Variants in NUP93 observed in about 807,000 individuals in gnomAD.
NUP93 encodes the protein nuclear pore complex protein Nup93.
NUP93 carries 55 observed loss-of-function variants against 107.8 expected under a neutral mutation model. The observed-to-expected ratio is 0.51, with a 90% CI of 0.41 to 0.64. The LOEUF (loss-of-function observed/expected upper bound fraction) is 0.64. NUP93 is among the 30% of genes least tolerant of loss of function. The pLI is 0.00. For missense variants in NUP93, 937 were observed against 1,044.7 expected (o/e 0.90, Z 1.42); for synonymous variants, 390 against 397.5 (o/e 0.98, Z 0.22).
intron 3 of NUP93, among the ~76,000 whole-genome samples, chr16:56,789,187 A>G (rs1490090957): frequency 1.3e-5 from 2 of 152,202 alleles, no homozygotes; most frequent in Non-Finnish European, 2.9e-5. Context: ...GGGACCAAGC[A>G]TGCCAGCACA....
chr16:56,735,363 G>A (rs1961594864), intron 1 of NUP93, among the ~76,000 whole-genome samples: 1 of 152,198 alleles, frequency 6.6e-6, no homozygotes, highest in South Asian at 2.1e-4. Context: ...TTGGGTAGGT[G>A]TTTCTTTTTG....
At chr16:56,764,889 G>A (rs1962190772) in intron 3 of NUP93, among the ~76,000 whole-genome samples, 1 of 152,216 alleles carries the variant, frequency 6.6e-6, no homozygotes, top group East Asian at 1.9e-4. Flanking sequence ...AAATGCAGTT[G>A]TCATTTTCAT....
chr16:56,796,240 C>G (rs143104011), intron 3 of NUP93, among the ~76,000 whole-genome samples: 3 of 152,254 alleles, frequency 2.0e-5, no homozygotes, highest in African/African-American at 4.8e-5. Flanking sequence ...CAACAGTGGT[C>G]CCATAAGATT....
chr16:56,786,007 C>T (rs16962014), intron 3 of NUP93, among the ~76,000 whole-genome samples: 14,316 of 152,176 alleles, frequency 0.094, 702 homozygotes, highest in East Asian at 0.15. Context: ...CAGTGTGCTT[C>T]TTTATGGTGA....
At chr16:56,835,444 GAAAGGC>G (rs569375187) in intron 16 of NUP93, among the ~76,000 whole-genome samples, 6 of 152,352 alleles carry the variant, frequency 3.9e-5, no homozygotes, top group African/African-American at 1.4e-4. Context: ...TACCTCAGAA[GAAAGGC>G]AAGTGACAGT....
rs567027753 is a variant in NUP93, at chr16:56,821,576, G to T, written c.637G>T (p.Ala213Ser). 8.7e-6 allele frequency: 14 copies of T among 1,612,082 alleles called. No homozygotes were observed. In the East Asian group the frequency reaches 2.7e-4, roughly 31 times the overall value. ...CCTGGTGGACCTTTGTGCTTCCGTC[G>T]CAGAGCTCGATGATAAGGTAGCACC... ...PNLVDLCASV[A>S]ELDDKSISDM... Residue 213 changes from alanine to serine, a missense_variant, in exon 7 of 22, where the codon GCA (alanine) becomes TCA (serine). Coordinates refer to ENST00000308159, the MANE Select transcript of NUP93 (RefSeq NM_014669.5).
intron 4 of NUP93, 153 bp from the exon 5 acceptor site, chr16:56,805,350 TA>T: frequency 1.3e-6 from 1 of 793,892 alleles, no homozygotes; most frequent in Non-Finnish European, 1.9e-6. Flanking sequence ...GCTCAGCCAG[TA>T]AATTCTTCAA....
chr16:56,832,162 C>A, intron 11 of NUP93, 133 bp from the exon 12 acceptor site: 2 of 1,211,884 alleles, frequency 1.7e-6, no homozygotes, highest in African/African-American at 1.5e-5. Context: ...GTGTAATTCC[C>A]AGCTCATAAC....
chr16:56,755,222 A>G (rs748856923), intron 2 of NUP93, among the ~76,000 whole-genome samples: 9 of 152,248 alleles, frequency 5.9e-5, no homozygotes, highest in Non-Finnish European at 1.2e-4. Context: ...CCAAATGCCC[A>G]TCCACTGATG....
intron 21 of NUP93, chr16:56,842,470 G>A (rs991424254): frequency 2.5e-6 from 1 of 394,760 alleles, no homozygotes; most frequent in Non-Finnish European, 4.9e-6. Flanking sequence ...GGGGCTCACA[G>A]CATATGTTGT....
At chr16:56,794,131 T>TAGATA (rs1491324406) in intron 3 of NUP93, among the ~76,000 whole-genome samples, 1 of 152,166 alleles carries the variant, frequency 6.6e-6, no homozygotes, top group African/African-American at 2.4e-5. Flanking sequence ...GATAGATAGA[T>TAGATA]GTGTTATTAT....
chr16:56,837,615 A>T lies in NUP93; in HGVS notation c.1907A>T (p.Asp636Val). ...TTTTAAAAACTTGAGCAGAATGCTG[A>T]CAAGGTACTGGAGCTGATGAACAAA... is the stretch of plus-strand genomic sequence containing the variant. ...AKLYDLAKNADKVLELMNKLL... is the reference protein window; with the variant it reads ...AKLYDLAKNAVKVLELMNKLL... The change falls in exon 18 of 22, where the codon GAC (aspartate) becomes GTC (valine). Residue 636 changes from aspartate (D) to valine (V), a missense_variant. Physicochemically the swap from Asp to Val is radical, Grantham distance 152. Coordinates refer to ENST00000308159, the MANE Select transcript of NUP93 (RefSeq NM_014669.5). 3 of 1,613,616 alleles carry T rather than the reference A, an allele frequency of 1.9e-6. No individual in the cohort carries two copies. Among genetic ancestry groups the T allele is most frequent in the Non-Finnish European group, 2.5e-6 (3 of 1,179,520 alleles).
chr16:56,806,583 A>T (rs1429510029), intron 5 of NUP93, among the ~76,000 whole-genome samples: 4 of 152,170 alleles, frequency 2.6e-5, no homozygotes, highest in Non-Finnish European at 5.9e-5. Flanking sequence ...AAGGTCATTC[A>T]CATGGCTGTT....
chr16:56,747,741 T>C (rs1961844927), intron 1 of NUP93, among the ~76,000 whole-genome samples: 1 of 152,198 alleles, frequency 6.6e-6, no homozygotes, highest in Non-Finnish European at 1.5e-5. Flanking sequence ...GATTGGAATT[T>C]GTTCTTCTTT....
chr16:56,838,074 T>C (rs1344680640), intron 18 of NUP93, among the ~76,000 whole-genome samples: 1 of 152,166 alleles, frequency 6.6e-6, no homozygotes, highest in Non-Finnish European at 1.5e-5. Flanking sequence ...CCAAAGCTAG[T>C]GATGGTTGGA....
chr16:56,801,818 A>G (rs1963026721), intron 4 of NUP93, among the ~76,000 whole-genome samples: 1 of 152,194 alleles, frequency 6.6e-6, no homozygotes, highest in Admixed American at 6.5e-5. Context: ...GATAGTTTTC[A>G]AAGTACTTTC....
chr16:56,790,359 T>A (rs1448828483), intron 3 of NUP93, among the ~76,000 whole-genome samples: 1 of 152,168 alleles, frequency 6.6e-6, no homozygotes, highest in Non-Finnish European at 1.5e-5. Context: ...AATTAAAAAA[T>A]TTCTCTGTTC....
chr16:56,768,164 A>G (rs932023415), intron 3 of NUP93, among the ~76,000 whole-genome samples: 5 of 152,186 alleles, frequency 3.3e-5, no homozygotes, highest in Non-Finnish European at 5.9e-5. Flanking sequence ...TCCTTTGACC[A>G]TATTTTGAGC....
intron 4 of NUP93, among the ~76,000 whole-genome samples, chr16:56,798,814 C>T (rs546795891): frequency 8.0e-5 from 12 of 150,764 alleles, no homozygotes; most frequent in Admixed American, 2.0e-4. Flanking sequence ...TTGAGTGAGC[C>T]GAGTCGCGCC....
Sources: allele counts gnomAD v4.1 joint callset (sites outside exome capture counted in the v4.1 genomes callset), GRCh38; gene constraint gnomAD v4.1.1; transcripts MANE v1.5; gene names NCBI Gene and HGNC (gene_info 2026-07-23, HGNC 2026-07-21).